Variants in UGT1A9 observed in about 807,000 individuals in gnomAD.
UGT1A9 encodes UDP glucuronosyltransferase family 1 member A9, also known as UDP-glucuronosyltransferase 1A9.
UGT1A9 carries 35 observed loss-of-function variants against 45.0 expected under a neutral mutation model. That is an observed-to-expected ratio of 0.78 (90% CI 0.59 to 1.03). The LOEUF (loss-of-function observed/expected upper bound fraction) is 1.03. UGT1A9 is among the 50% of genes least tolerant of loss of function. The pLI is 0.00. For missense variants in UGT1A9, 687 were observed against 666.6 expected, an observed-to-expected ratio of 1.03 and a Z score of -0.34; for synonymous variants, 278 against 250.6, an observed-to-expected ratio of 1.11 and a Z score of -1.03.
chr2:233,681,887 T>C, intron 1 of UGT1A9: 2 of 1,578,812 alleles, frequency 1.3e-6, no homozygotes, highest in South Asian at 1.2e-5. Context: ...CCACTTACTA[T>C]ATTATAGGAG....
At chr2:233,758,397 C>T (rs1696863474) in intron 1 of UGT1A9, among the ~76,000 whole-genome samples, 1 of 152,138 alleles carries the variant, frequency 6.6e-6, no homozygotes, top group Admixed American at 6.5e-5. Flanking sequence ...TGTTTATAGC[C>T]CCTTTACTGT....
At chr2:233,725,753 T>TA (rs1238799010) in intron 1 of UGT1A9, among the ~76,000 whole-genome samples, 1 of 152,188 alleles carries the variant, frequency 6.6e-6, no homozygotes, top group Non-Finnish European at 1.5e-5. Context: ...GTAAGAGACT[T>TA]ACATTTTCTT....
intron 1 of UGT1A9, chr2:233,754,349 G>A (rs1243169158): frequency 7.7e-6 from 2 of 260,182 alleles, no homozygotes; most frequent in African/African-American, 4.5e-5. Context: ...ATAGCAAATT[G>A]CATACAGATA....
intron 1 of UGT1A9, among the ~76,000 whole-genome samples, chr2:233,716,034 G>GCAT (rs1226945298): frequency 1.3e-5 from 2 of 152,146 alleles, no homozygotes; most frequent in Non-Finnish European, 2.9e-5. Flanking sequence ...TTTGATGTCA[G>GCAT]CATTCTGATT....
At chr2:233,757,107 C>A (rs999241800) in intron 1 of UGT1A9, among the ~76,000 whole-genome samples, 3 of 150,946 alleles carry the variant, frequency 2.0e-5, no homozygotes, top group African/African-American at 7.3e-5. Flanking sequence ...AGGGGGCAAG[C>A]AGAAGGGCTA....
intron 1 of UGT1A9, among the ~76,000 whole-genome samples, chr2:233,737,833 T>A (rs1346055905): frequency 6.6e-6 from 1 of 152,174 alleles, no homozygotes; most frequent in African/African-American, 2.4e-5. Flanking sequence ...AATTGGGAAC[T>A]GTGGCACAGG....
intron 1 of UGT1A9, among the ~76,000 whole-genome samples, chr2:233,734,913 T>G (rs1279998122): frequency 6.6e-6 from 1 of 152,224 alleles, no homozygotes; most frequent in Non-Finnish European, 1.5e-5. Context: ...TTACATTTGC[T>G]AAGGAGTGCT....
At position 233,729,614 on chromosome 2, in the gene UGT1A9, A is replaced by C. The variant is rs775324088; in HGVS notation, c.856-37420A>C. 2.4e-5 allele frequency: 39 copies of C among 1,613,890 alleles called. No individual in the cohort carries two copies. Among genetic ancestry groups the C allele is most frequent in the Non-Finnish European group, 3.2e-5 (38 of 1,179,900 alleles). On this transcript the variant is annotated intron_variant, in intron 1 of 4. Transcript: ENST00000354728. Reference sequence around the variant, plus strand: ...AACCTCTGCGCGGCAGTGCTGGCTAAGTACCTGTCGATTCCTACTGTGTTT... The same window carrying C: ...AACCTCTGCGCGGCAGTGCTGGCTACGTACCTGTCGATTCCTACTGTGTTT...
intron 1 of UGT1A9, among the ~76,000 whole-genome samples, chr2:233,757,667 T>C (rs1696692140): frequency 6.6e-6 from 1 of 151,042 alleles, no homozygotes; most frequent in South Asian, 2.1e-4. Context: ...ATTTTGGAAA[T>C]TCAAGGAATT....
At position 233,682,573 on chromosome 2, in the gene UGT1A9, G is replaced by T. The variant is rs779317114; in HGVS notation, c.855+9784G>T. On this transcript the variant is annotated intron_variant, in intron 1 of 4. Transcript: ENST00000354728. ...AGGAGAGAGTATGGAACCACATCATGCACTTGGAGGAACATTTATTTTGCC... is the reference window on the plus strand; with the variant it reads ...AGGAGAGAGTATGGAACCACATCATTCACTTGGAGGAACATTTATTTTGCC... The T allele has an allele frequency of 6.2e-7, 1 of 1,613,788 alleles. No individual in the cohort carries two copies. Among genetic ancestry groups the T allele is most frequent in the South Asian group, 1.1e-5 (1 of 91,066 alleles).
intron 1 of UGT1A9, chr2:233,760,347 G>A (rs1239455417): frequency 6.2e-7 from 1 of 1,613,914 alleles, no homozygotes; most frequent in African/African-American, 1.3e-5. Flanking sequence ...TGTGTGTGCT[G>A]GGCCCAGTGG....
intron 1 of UGT1A9, among the ~76,000 whole-genome samples, chr2:233,753,929 G>A (rs147100101): frequency 1.3e-5 from 2 of 152,234 alleles, no homozygotes; most frequent in African/African-American, 4.8e-5. Context: ...CAGTGATATG[G>A]GATTCAAATG....
intron 1 of UGT1A9, chr2:233,730,118 T>A (rs1380920361): frequency 6.0e-5 from 93 of 1,555,792 alleles, no homozygotes; most frequent in Non-Finnish European, 7.7e-5. Context: ...CTTCTCCTTG[T>A]CATAATAGCC....
At chr2:233,717,925 A>C (rs1037002174) in intron 1 of UGT1A9, 1 of 454,728 alleles carries the variant, frequency 2.2e-6, no homozygotes, top group Non-Finnish European at 4.4e-6. Flanking sequence ...ATGAATGGAT[A>C]CTTCAGTCTC....
At position 233,731,325 on chromosome 2, in the gene UGT1A9, G is replaced by A. The variant is rs28898622; in HGVS notation, c.856-35709G>A. Among the ~76,000 whole-genome samples, 886 of 147,182 alleles carry A rather than the reference G, an allele frequency of 6.0e-3. 61 individuals carry two copies. In the East Asian group the frequency reaches 0.15, roughly 25 times the overall value. On this transcript the variant is annotated intron_variant, in intron 1 of 4. Transcript: ENST00000354728. The stretch of plus-strand genomic sequence containing the variant: ...TTATACTTTAAGTTCTAGGGTACAT[G>A]TGCACAAATTGCAGGTTTGATACAT...
intron 1 of UGT1A9, among the ~76,000 whole-genome samples, chr2:233,686,027 A>G (rs2074769498): frequency 6.6e-6 from 1 of 152,198 alleles, no homozygotes; most frequent in African/African-American, 2.4e-5. Flanking sequence ...TCATGGTGCC[A>G]AGAGCATTGA....
chr2:233,695,832 C>G (rs1356599606), intron 1 of UGT1A9, among the ~76,000 whole-genome samples: 1 of 152,100 alleles, frequency 6.6e-6, no homozygotes, highest in Admixed American at 6.5e-5. Context: ...ACAAAAAACT[C>G]AAAGGGTTTT....
Position 233,765,767 on chromosome 2 carries a change from G to A in UGT1A9, c.856-1267G>A, listed in dbSNP as rs142459833. Among the ~76,000 whole-genome samples, 585 of 151,822 alleles carry A rather than the reference G, an allele frequency of 3.9e-3. 2 individuals are homozygous for A. The highest frequency in any genetic ancestry group is 0.014 in the African/African-American group (559 of 41,374). On this transcript the variant is annotated intron_variant, in intron 1 of 4. Coordinates refer to ENST00000354728, the MANE Select transcript of UGT1A9 (RefSeq NM_021027.3). ...TAAAGCCATTTGAGAGATTCTTGGG[G>A]GATTCATTGGACCACTGAAAATCTA...
At chr2:233,699,180 C>G (rs1205955703) in intron 1 of UGT1A9, among the ~76,000 whole-genome samples, 6 of 152,020 alleles carry the variant, frequency 3.9e-5, no homozygotes, top group Non-Finnish European at 7.4e-5. Context: ...CTGATCCTCA[C>G]TTCTTCTTCA....
Sources: allele counts gnomAD v4.1 joint callset (sites outside exome capture counted in the v4.1 genomes callset), GRCh38; gene constraint gnomAD v4.1.1; transcripts MANE v1.5; gene names NCBI Gene and HGNC (gene_info 2026-07-23, HGNC 2026-07-21).